The following UGT2A2 variants were observed in gnomAD, a reference collection of about 807,000 sequenced individuals.
UGT2A2 encodes UDP glucuronosyltransferase family 2 member A2, also known as UDP-glucuronosyltransferase 2A2.
UGT2A2 carries 60 observed loss-of-function variants against 50.7 expected under a neutral mutation model. The observed-to-expected ratio is 1.18, with a 90% CI of 0.96 to 1.47. The LOEUF is 1.47. Ranked by LOEUF, UGT2A2 falls within the 40% of genes most tolerant of loss-of-function variation. The probability of loss-of-function intolerance (pLI) is 0.00; values close to 1 mark genes in which losing one functional copy is unlikely to be tolerated. For missense variants in UGT2A2, 762 were observed against 634.0 expected, an observed-to-expected ratio of 1.20 and a Z score of -2.17; for synonymous variants, 242 against 214.6, an observed-to-expected ratio of 1.13 and a Z score of -1.11.
In UGT2A2 at chr4:69,610,591, C is replaced by T. The variant is rs111933037; in HGVS notation, c.743-11197G>A. 4.3e-3 allele frequency among the ~76,000 whole-genome samples: 655 copies of T among 152,198 alleles called. 6 individuals carry two copies. Among genetic ancestry groups the T allele is most frequent in the African/African-American group, 0.013 (553 of 41,542 alleles). ...CTCCCCTAAAATTTGTATATGAAGC[C>T]TGACTGTATTTGAAGATAAGGCCTT... On this transcript the variant is annotated intron_variant, in intron 1 of 5. Transcript: ENST00000604629.
At chr4:69,597,610 G>A (rs1218276785) in intron 2 of UGT2A2, among the ~76,000 whole-genome samples, 1 of 152,082 alleles carries the variant, frequency 6.6e-6, no homozygotes, top group African/African-American at 2.4e-5. Flanking sequence ...AAAATAGATT[G>A]CTATTTTTGG....
At chr4:69,626,024 C>T (rs1721036397) in intron 1 of UGT2A2, among the ~76,000 whole-genome samples, 1 of 151,632 alleles carries the variant, frequency 6.6e-6, no homozygotes, top group South Asian at 2.1e-4. Context: ...CTAATTCTAT[C>T]ATGTATGTCA....
intron 1 of UGT2A2, among the ~76,000 whole-genome samples, chr4:69,618,588 T>G (rs114062230): frequency 1.6e-4 from 24 of 152,166 alleles, no homozygotes; most frequent in African/African-American, 5.5e-4. Context: ...AGTTTTCATG[T>G]GTAAGTACAC....
intron 1 of UGT2A2, among the ~76,000 whole-genome samples, chr4:69,626,161 T>A (rs905950701): frequency 1.3e-5 from 2 of 151,640 alleles, no homozygotes; most frequent in East Asian, 1.9e-4. Flanking sequence ...TATTTTTTTT[T>A]AATTCTGTTA....
At chr4:69,624,969 T>C (rs1720958983) in intron 1 of UGT2A2, among the ~76,000 whole-genome samples, 1 of 151,070 alleles carries the variant, frequency 6.6e-6, no homozygotes, top group Non-Finnish European at 1.5e-5. Context: ...AGTGGTGGTC[T>C]ATAGAAGATT....
intron 5 of UGT2A2, among the ~76,000 whole-genome samples, chr4:69,593,875 T>C (rs1718731214): frequency 1.3e-5 from 2 of 151,992 alleles, no homozygotes; most frequent in South Asian, 4.1e-4. Flanking sequence ...ACTAATTAGT[T>C]TATAATATTA....
At chr4:69,612,569 A>G (rs1720127625) in intron 1 of UGT2A2, among the ~76,000 whole-genome samples, 1 of 152,062 alleles carries the variant, frequency 6.6e-6, no homozygotes, top group Non-Finnish European at 1.5e-5. Context: ...AAAACTCATT[A>G]ATAAAGCCAC....
At chr4:69,603,273 T>C (rs1306582311) in intron 1 of UGT2A2, among the ~76,000 whole-genome samples, 1 of 134,864 alleles carries the variant, frequency 7.4e-6, no homozygotes, top group East Asian at 2.1e-4. Flanking sequence ...CAAGAACTAA[T>C]ATAAAGGAAA....
intron 5 of UGT2A2, 136 bp from the exon 6 acceptor site, chr4:69,589,787 T>G: frequency 7.7e-7 from 1 of 1,295,234 alleles, no homozygotes; most frequent in Admixed American, 2.8e-5. Context: ...TGCATGAACT[T>G]TGTTAGTTGT....
chr4:69,592,081 G>C (rs764841576), intron 5 of UGT2A2, among the ~76,000 whole-genome samples: 1 of 152,048 alleles, frequency 6.6e-6, no homozygotes, highest in Non-Finnish European at 1.5e-5. Context: ...TTTCTTTTTT[G>C]AAATGAATAC....
intron 1 of UGT2A2, among the ~76,000 whole-genome samples, chr4:69,626,233 G>A (rs897357452): frequency 2.0e-5 from 3 of 150,220 alleles, no homozygotes; most frequent in South Asian, 2.1e-4. Context: ...AGAAGCTTGC[G>A]TTTAAGTTTA....
chr4:69,603,383 G>T lies in UGT2A2; in HGVS notation c.743-3989C>A, dbSNP rs1056837226. 2.2e-5 allele frequency among the ~76,000 whole-genome samples: 3 copies of T among 136,854 alleles called. 1 individual carries two copies. The highest frequency in any genetic ancestry group is 2.2e-4 in the Admixed American group (3 of 13,896). The allele number at this position is 136,854 out of a possible 152,430, so 89.8% of individuals were successfully genotyped here. On this transcript the variant is annotated intron_variant, in intron 1 of 5. Coordinates refer to ENST00000604629, the MANE Select transcript of UGT2A2 (RefSeq NM_001105677.2). ...GGAAAAAATGTTTTCAATAAATAGT[G>T]ATGGGACAGCTCCTTACCCAAAACC...
intron 1 of UGT2A2, among the ~76,000 whole-genome samples, chr4:69,612,316 G>T (rs1720112242): frequency 6.6e-6 from 1 of 152,034 alleles, no homozygotes; most frequent in African/African-American, 2.4e-5. Context: ...TCGTTAAAAT[G>T]GCCAAATTGC....
Position 69,596,388 on chromosome 4 carries a change from A to G in UGT2A2, c.892-7T>C. 1.9e-6 allele frequency: 3 copies of G among 1,570,008 alleles called. No homozygotes were observed. The highest frequency in any genetic ancestry group is 2.6e-6 in the Non-Finnish European group (3 of 1,157,736). ...GGATAAATTCTTCCATTTCCTGCAT[A>G]CATAATATATTTTCTATTACAAAGG... On this transcript the variant is annotated splice_polypyrimidine_tract_variant and splice_region_variant and intron_variant, in intron 2 of 5. Coordinates refer to ENST00000604629, the MANE Select transcript of UGT2A2 (RefSeq NM_001105677.2).
chr4:69,592,410 C>A (rs1179544680), intron 5 of UGT2A2, among the ~76,000 whole-genome samples: 1 of 151,804 alleles, frequency 6.6e-6, no homozygotes, highest in Non-Finnish European at 1.5e-5. Flanking sequence ...ACTAAAAATG[C>A]ATTTAGGTAT....
In UGT2A2 at chr4:69,588,744, G is replaced by A. The variant is rs1164782525; in HGVS notation, c.*628C>T. ...TATATAAGAATATATGTTGAAGAAA[G>A]GCAGGCAAGTTATGCCGTGATTTTC... is the stretch of plus-strand genomic sequence containing the variant. On this transcript the variant is annotated 3_prime_UTR_variant, in exon 6 of 6. Coordinates refer to ENST00000604629, the MANE Select transcript of UGT2A2 (RefSeq NM_001105677.2). The A allele has an allele frequency of 6.6e-6, 1 of 151,964 alleles. No homozygotes were observed. The highest frequency in any genetic ancestry group is 1.5e-5 in the Non-Finnish European group (1 of 67,996). The allele number at this position is 151,964 out of a possible 1,614,324, so 9.4% of individuals were successfully genotyped here.
chr4:69,621,365 A>G (rs749758262), intron 1 of UGT2A2, among the ~76,000 whole-genome samples: 11 of 152,108 alleles, frequency 7.2e-5, no homozygotes, highest in African/African-American at 2.4e-4. Context: ...AAAAGAAGAC[A>G]TACATGCAAC....
At chr4:69,593,350 A>C (rs1231102914) in intron 5 of UGT2A2, among the ~76,000 whole-genome samples, 1 of 152,136 alleles carries the variant, frequency 6.6e-6, no homozygotes, top group African/African-American at 2.4e-5. Context: ...GTAAAATTAC[A>C]ACATAAGTAA....
chr4:69,591,003 G>T (rs1294476295), intron 5 of UGT2A2, among the ~76,000 whole-genome samples: 5 of 152,110 alleles, frequency 3.3e-5, no homozygotes, highest in Non-Finnish European at 7.4e-5. Context: ...ACTATACCTT[G>T]TGTTCCCAGA....
Sources: gnomAD v4.1 joint callset for allele counts (sites outside exome capture counted in the v4.1 genomes callset) on GRCh38, gnomAD v4.1.1 for gene constraint, MANE v1.5 for transcripts, NCBI Gene and HGNC (gene_info 2026-07-23, HGNC 2026-07-21) for gene names.